Variants in CENPC observed in about 807,000 individuals in gnomAD.
The protein encoded by CENPC is centromere protein C.
Under a neutral mutation model 112.1 loss-of-function variants are expected in CENPC, and 63 were observed. The observed-to-expected ratio is 0.56, with a 90% CI of 0.46 to 0.69. The LOEUF (loss-of-function observed/expected upper bound fraction) is 0.69, where lower values mean the gene tolerates loss of function less well. CENPC is among the 30% of genes least tolerant of loss of function. CENPC has a pLI of 0.00. For synonymous variants in CENPC, 333 were observed against 367.6 expected (o/e 0.91, Z 1.08); for missense variants, 1,000 against 1,103.8 (o/e 0.91, Z 1.33).
chr4:67,503,245 C>T (rs971511097), intron 12 of CENPC, among the ~76,000 whole-genome samples: 1 of 152,230 alleles, frequency 6.6e-6, no homozygotes, highest in South Asian at 2.1e-4. Context: ...TGGTGTTCCT[C>T]GATCAAGACA....
chr4:67,540,955 A>AAAT, intron 3 of CENPC, 25 bp downstream of exon 3: 1 of 1,530,070 alleles, frequency 6.5e-7, no homozygotes, highest in Non-Finnish European at 9.0e-7. Flanking sequence ...TAACCCTTAA[A>AAAT]TTCCATCTTG....
intron 16 of CENPC, among the ~76,000 whole-genome samples, chr4:67,491,460 TATATATATATATATATATATAGAGAG>T (rs1439726776): frequency 1.9e-4 from 11 of 58,336 alleles, no homozygotes; most frequent in African/African-American, 6.8e-4. Flanking sequence ...TATATATATA[TATATATATATATATATATATAGAGAG>T]AGAGAGAGAG....
chr4:67,516,401 T>A (rs1232391535), intron 7 of CENPC, among the ~76,000 whole-genome samples: 1 of 152,000 alleles, frequency 6.6e-6, no homozygotes, highest in Non-Finnish European at 1.5e-5. Flanking sequence ...TTCACTAGGA[T>A]AAGAAGGCTT....
At chr4:67,495,732 C>A (rs1172925397) in intron 12 of CENPC, among the ~76,000 whole-genome samples, 1 of 152,114 alleles carries the variant, frequency 6.6e-6, no homozygotes, top group East Asian at 1.9e-4. Flanking sequence ...AAATGTAGGG[C>A]CTGATAATGG....
intron 9 of CENPC, 102 bp downstream of exon 9, chr4:67,512,300 G>C: frequency 1.2e-6 from 1 of 801,790 alleles, no homozygotes; most frequent in Non-Finnish European, 1.9e-6. Flanking sequence ...ATTTAACTTG[G>C]TCCTCATGAT....
intron 11 of CENPC, among the ~76,000 whole-genome samples, chr4:67,505,581 A>C (rs1180636681): frequency 1.3e-5 from 2 of 152,236 alleles, no homozygotes; most frequent in Non-Finnish European, 2.9e-5. Context: ...TATCTAGGTT[A>C]CTGATAATAC....
At chr4:67,512,253 T>C in intron 9 of CENPC, 149 bp downstream of exon 9, 3 of 604,146 alleles carry the variant, frequency 5.0e-6, no homozygotes, top group Non-Finnish European at 8.4e-6. Flanking sequence ...TCAAGGAATA[T>C]CTTTACCATT....
intron 4 of CENPC, among the ~76,000 whole-genome samples, chr4:67,534,829 A>C (rs1390423911): frequency 1.3e-5 from 2 of 152,206 alleles, no homozygotes; most frequent in Non-Finnish European, 2.9e-5. Context: ...ACAAGAGGAG[A>C]CAGCTAAGGA....
intron 4 of CENPC, 28 bp downstream of exon 4, chr4:67,539,812 C>T: frequency 8.2e-7 from 1 of 1,223,058 alleles, no homozygotes; most frequent in East Asian, 2.6e-5. Context: ...AAATATTAAA[C>T]CTATACCAGC....
rs775773284 is a variant in CENPC at position 67,519,419 on chromosome 4, T to C, written c.415A>G (p.Arg139Gly). Residue 139 changes from arginine (R) to glycine (G), a missense_variant, in exon 6 of 19, where the codon AGA (arginine) becomes GGA (glycine). Arg to Gly is a moderately radical substitution (Grantham distance 125, BLOSUM62 -2). Transcript: ENST00000273853. ...NTPDSKKISS[R>G]NINDHHSEAD... ...TCACTGTGATGATCATTTATGTTTC[T>C]ACTTGATATTTTTTTCGAGTCAGGT... 3 of 1,611,708 alleles carry C rather than the reference T, an allele frequency of 1.9e-6. No homozygotes were observed. Among genetic ancestry groups the C allele is most frequent in the Non-Finnish European group, 2.5e-6 (3 of 1,178,610 alleles).
chr4:67,473,772 G>A (rs140341632), intron 18 of CENPC, among the ~76,000 whole-genome samples: 61 of 152,064 alleles, frequency 4.0e-4, no homozygotes, highest in African/African-American at 1.4e-3. Context: ...GGCTGGTCCC[G>A]AACTCCTCAC....
chr4:67,514,362 C>T lies in CENPC; in HGVS notation c.1156G>A (p.Ala386Thr). 6.2e-7 allele frequency: 1 copy of T among 1,613,092 alleles called. No individual in the cohort carries two copies. The highest frequency in any genetic ancestry group is 8.5e-7 in the Non-Finnish European group (1 of 1,179,346). ...SDKTVLDTSY[A>T]LIGETVNNYR... is the part of the protein sequence containing the mutation. ...TTATTTACTGTTTCACCTATCAAAG[C>T]ATAACTTGTATCCAGTACTGTTTTA... Residue 386 changes from alanine to threonine, a missense_variant, in exon 8 of 19, where the codon GCT becomes ACT. Ala to Thr is a moderately conservative substitution (Grantham distance 58, BLOSUM62 0). Coordinates refer to ENST00000273853, the MANE Select transcript of CENPC (RefSeq NM_001812.4).
intron 10 of CENPC, 53 bp from the exon 11 acceptor site, chr4:67,506,987 C>A (rs1725753596): frequency 7.2e-7 from 1 of 1,388,332 alleles, no homozygotes; most frequent in Non-Finnish European, 9.9e-7. Flanking sequence ...ATAAAATTTT[C>A]TTCCAGAAAC....
chr4:67,486,820 C>T (rs780172306), intron 17 of CENPC, among the ~76,000 whole-genome samples: 1 of 152,102 alleles, frequency 6.6e-6, no homozygotes. Context: ...AAACATTAAG[C>T]AGTTTGTCAT....
chr4:67,528,189 T>TA (rs1327373904), intron 5 of CENPC, among the ~76,000 whole-genome samples: 2 of 152,172 alleles, frequency 1.3e-5, no homozygotes, highest in African/African-American at 4.8e-5. Context: ...CCTCATAATT[T>TA]AAAAAAATGT....
Position 67,508,874 on chromosome 4 carries a change from C to T in CENPC, c.1844G>A (p.Ser615Asn), listed in dbSNP as rs776078078. The change falls in exon 10 of 19, where the codon AGT becomes AAT. Residue 615 changes from serine to asparagine, a missense_variant. Ser to Asn is a conservative substitution (Grantham distance 46, BLOSUM62 1). Coordinates refer to ENST00000273853, the MANE Select transcript of CENPC (RefSeq NM_001812.4). ...TGCCTCATCACTTTCCAATGGCTCA[C>T]TCAGCGAACATCTGGAAATTTCATC... ...GHDEISRCSL[S>N]EPLESDEADL... 3.1e-6 allele frequency: 5 copies of T among 1,613,646 alleles called. No individual in the cohort carries two copies. In the South Asian group the frequency reaches 3.3e-5, roughly 11 times the overall value.
intron 17 of CENPC, among the ~76,000 whole-genome samples, chr4:67,483,342 ACT>A (rs998926355): frequency 7.3e-6 from 1 of 137,362 alleles, no homozygotes; most frequent in Non-Finnish European, 1.6e-5. Flanking sequence ...ACAGTGGGAG[ACT>A]CTATCTCAAT....
rs190408804 is a variant in CENPC, at chr4:67,474,134, T to C, written c.2761+754A>G. ...GGCTGGAGTGCAGTGGTGCAGTCTC[T>C]GGTCACTGCAAGCTCCACCTCCCAG... On this transcript the variant is annotated intron_variant, in intron 18 of 18. Transcript: ENST00000273853. Among the ~76,000 whole-genome samples the C allele has an allele frequency of 9.4e-3, 1,434 of 151,994 alleles. 12 individuals carry two copies. Among genetic ancestry groups the C allele is most frequent in the Non-Finnish European group, 0.011 (764 of 67,958 alleles).
chr4:67,473,742 G>A (rs568543674), intron 18 of CENPC, among the ~76,000 whole-genome samples: 1 of 152,010 alleles, frequency 6.6e-6, no homozygotes, highest in African/African-American at 2.4e-5. Context: ...TGTAGACACA[G>A]GGTCTTCCTA....
Sources: allele counts gnomAD v4.1 joint callset (sites outside exome capture counted in the v4.1 genomes callset), GRCh38; gene constraint gnomAD v4.1.1; transcripts MANE v1.5; gene names NCBI Gene and HGNC (gene_info 2026-07-23, HGNC 2026-07-21).